SYN3: variants seen among roughly 807,000 people sequenced by gnomAD.
SYN3 encodes the protein synapsin III.
A neutral mutation model predicts 65.8 loss-of-function variants in SYN3; 35 were observed. The ratio of observed to expected loss-of-function variants is 0.53; its 90% confidence interval spans 0.41 to 0.70. SYN3 has a LOEUF of 0.70. Among genes scored for constraint, SYN3 ranks in the 30% least tolerant of loss-of-function variants. The probability of loss-of-function intolerance (pLI) is 0.00; values close to 1 mark genes in which losing one functional copy is unlikely to be tolerated. For synonymous variants in SYN3, 270 were observed against 292.9 expected (o/e 0.92, Z 0.80); for missense variants, 680 against 749.0 (o/e 0.91, Z 1.08).
intron 3 of SYN3, among the ~76,000 whole-genome samples, chr22:32,938,753 C>T (rs925791014): frequency 2.6e-5 from 4 of 151,884 alleles, no homozygotes; most frequent in African/African-American, 9.7e-5. Context: ...GTGGCAAAAC[C>T]TCGTCTCTAC....
At chr22:32,621,743 G>A (rs777737844) in intron 6 of SYN3, among the ~76,000 whole-genome samples, 6 of 152,200 alleles carry the variant, frequency 3.9e-5, no homozygotes, top group African/African-American at 1.4e-4. Flanking sequence ...AGACATTATG[G>A]AATCTCCTCT....
At chr22:33,030,549 G>GA (rs1447189701) in intron 1 of SYN3, among the ~76,000 whole-genome samples, 1 of 151,576 alleles carries the variant, frequency 6.6e-6, no homozygotes, top group African/African-American at 2.4e-5. Context: ...CAGAGAAACG[G>GA]AAAAAATATA....
At chr22:32,539,598 C>T (rs565325913) in intron 8 of SYN3, among the ~76,000 whole-genome samples, 314 of 152,244 alleles carry the variant, frequency 2.1e-3, no homozygotes, top group African/African-American at 7.2e-3. Context: ...CACAAAGGCC[C>T]GAGTGCAGGG....
At chr22:32,731,071 C>G (rs550307311) in intron 6 of SYN3, among the ~76,000 whole-genome samples, 4 of 152,320 alleles carry the variant, frequency 2.6e-5, no homozygotes, top group African/African-American at 9.6e-5. Context: ...ACCTGGCTGG[C>G]CTATGAGCTC....
At chr22:32,733,463 A>G (rs2061296898) in intron 6 of SYN3, among the ~76,000 whole-genome samples, 1 of 152,220 alleles carries the variant, frequency 6.6e-6, no homozygotes, top group African/African-American at 2.4e-5. Context: ...TATCTCTGAC[A>G]TTCTGGGCTG....
chr22:32,821,187 C>T (rs899796577), intron 6 of SYN3, among the ~76,000 whole-genome samples: 3 of 152,146 alleles, frequency 2.0e-5, no homozygotes, highest in Admixed American at 1.3e-4. Context: ...CTGCCTTTTA[C>T]CACTGGAGTT....
chr22:32,673,491 A>G (rs2060400027), intron 6 of SYN3, among the ~76,000 whole-genome samples: 1 of 150,652 alleles, frequency 6.6e-6, no homozygotes, highest in Admixed American at 6.6e-5. Context: ...AAAAGATTTC[A>G]AGAAGCTCAC....
intron 7 of SYN3, among the ~76,000 whole-genome samples, chr22:32,542,659 C>T (rs528223861): frequency 4.0e-5 from 6 of 150,284 alleles, no homozygotes; most frequent in African/African-American, 9.8e-5. Flanking sequence ...TGTGTGCGCG[C>T]GCACACAGGC....
chr22:33,051,056 G>A (rs1485537340), intron 1 of SYN3, among the ~76,000 whole-genome samples: 2 of 152,134 alleles, frequency 1.3e-5, no homozygotes, highest in Non-Finnish European at 2.9e-5. Flanking sequence ...TAGAAGGGCT[G>A]CAAAAATCAG....
intron 6 of SYN3, among the ~76,000 whole-genome samples, chr22:32,639,016 C>T (rs571226912): frequency 2.6e-5 from 4 of 152,158 alleles, no homozygotes; most frequent in South Asian, 2.1e-4. Flanking sequence ...TGCAGTGGCG[C>T]GATCTCAGCT....
chr22:32,886,315 T>C (rs1253986596), intron 4 of SYN3, among the ~76,000 whole-genome samples: 1 of 152,158 alleles, frequency 6.6e-6, no homozygotes, highest in Non-Finnish European at 1.5e-5. Flanking sequence ...TCTCTAGCTC[T>C]CCAAGCCTTG....
intron 6 of SYN3, among the ~76,000 whole-genome samples, chr22:32,698,979 G>A (rs554066905): frequency 3.3e-5 from 5 of 152,120 alleles, no homozygotes; most frequent in African/African-American, 4.8e-5. Flanking sequence ...TAGGTCATCC[G>A]TGTCCAAAGT....
intron 7 of SYN3, among the ~76,000 whole-genome samples, chr22:32,593,747 A>G (rs745400797): frequency 6.6e-6 from 1 of 152,154 alleles, no homozygotes; most frequent in Non-Finnish European, 1.5e-5. Flanking sequence ...TGCTCTGGGA[A>G]GGAAAAAGGT....
At chr22:32,518,877 G>GAT (rs1227879844) in intron 12 of SYN3, among the ~76,000 whole-genome samples, 1 of 152,196 alleles carries the variant, frequency 6.6e-6, no homozygotes, top group Admixed American at 6.5e-5. Context: ...TCTATTTGGA[G>GAT]ATAGGATCTT....
intron 3 of SYN3, among the ~76,000 whole-genome samples, chr22:32,966,798 C>T (rs7290357): frequency 6.6e-6 from 1 of 152,172 alleles, no homozygotes; most frequent in Admixed American, 6.5e-5. Flanking sequence ...CACCTGTCAT[C>T]GCGGCTACCC....
chr22:32,815,178 T>G (rs558513601), intron 6 of SYN3, among the ~76,000 whole-genome samples: 2 of 152,234 alleles, frequency 1.3e-5, no homozygotes, highest in Non-Finnish European at 2.9e-5. Context: ...TTTCATGAAC[T>G]GTGCACAGGG....
chr22:32,604,280 C>T lies in SYN3; in HGVS notation c.712-7544G>A, dbSNP rs546574893. Reference sequence around the variant, plus strand: ...TGGGAAGACTTCCAGGAGGAGCTGGCCTCCATTTCCTGCCTCCAAGGCTCT... The same window carrying T: ...TGGGAAGACTTCCAGGAGGAGCTGGTCTCCATTTCCTGCCTCCAAGGCTCT... On this transcript the variant is annotated intron_variant, in intron 6 of 13. Transcript: ENST00000358763. Among the ~76,000 whole-genome samples, 35 of 152,292 alleles carry T rather than the reference C, an allele frequency of 2.3e-4. No homozygotes were observed. The South Asian group carries it at 7.0e-3, about 31-fold the overall frequency.
intron 3 of SYN3, among the ~76,000 whole-genome samples, chr22:32,975,653 T>C (rs2052163897): frequency 6.6e-6 from 1 of 152,218 alleles, no homozygotes; most frequent in Non-Finnish European, 1.5e-5. Context: ...CGACTTTATA[T>C]TGTATTCCTA....
intron 6 of SYN3, among the ~76,000 whole-genome samples, chr22:32,711,746 C>T (rs186289474): frequency 6.6e-6 from 1 of 152,288 alleles, no homozygotes; most frequent in Non-Finnish European, 1.5e-5. Flanking sequence ...CCTTGCCAAC[C>T]AATCTGATTG....
Sources: allele counts gnomAD v4.1 joint callset (sites outside exome capture counted in the v4.1 genomes callset), GRCh38; gene constraint gnomAD v4.1.1; transcripts MANE v1.5; gene names NCBI Gene and HGNC (gene_info 2026-07-23, HGNC 2026-07-21).